CNTNAP5: variants seen among roughly 807,000 people sequenced by gnomAD.
The protein encoded by CNTNAP5 is contactin-associated protein-like 5.
A neutral mutation model predicts 150.2 loss-of-function variants in CNTNAP5; 72 were observed. That is an observed-to-expected ratio of 0.48 (90% CI 0.40 to 0.58). The LOEUF (loss-of-function observed/expected upper bound fraction) is 0.58, where lower values mean the gene tolerates loss of function less well. CNTNAP5 is among the 20% of genes least tolerant of loss of function. The pLI, the probability that CNTNAP5 is intolerant of heterozygous loss-of-function variation, is 0.00. For synonymous variants in CNTNAP5, 672 were observed against 619.8 expected (o/e 1.08, Z -1.25); for missense variants, 1,636 against 1,626.2 (o/e 1.01, Z -0.10).
intron 11 of CNTNAP5, among the ~76,000 whole-genome samples, chr2:124,608,998 A>G (rs1003294967): frequency 6.6e-6 from 1 of 152,152 alleles, no homozygotes; most frequent in Non-Finnish European, 1.5e-5. Flanking sequence ...ACTGTATGTA[A>G]GCAGTAATTT....
In CNTNAP5 at chr2:124,289,254, A is replaced by G. The variant is rs140465385; in HGVS notation, c.381+46861A>G. On this transcript the variant is annotated intron_variant, in intron 3 of 23. Transcript: ENST00000682447. ...CACCTATCATTTTTGGCAAAGAGCC[A>G]AAGTTAACCTTCACTGTATTGCTCT... 4.5e-4 allele frequency among the ~76,000 whole-genome samples: 69 copies of G among 152,366 alleles called. 1 individual carries two copies. In the East Asian group the frequency reaches 0.012, roughly 26 times the overall value.
chr2:124,792,653 G>T (rs1220988253), intron 18 of CNTNAP5, among the ~76,000 whole-genome samples: 2 of 152,110 alleles, frequency 1.3e-5, no homozygotes, highest in African/African-American at 4.8e-5. Context: ...ATCTCAAAAA[G>T]AAATTCCATG....
intron 1 of CNTNAP5, among the ~76,000 whole-genome samples, chr2:124,151,148 C>A (rs772188415): frequency 6.6e-6 from 1 of 152,086 alleles, no homozygotes; most frequent in Non-Finnish European, 1.5e-5. Flanking sequence ...AGGAGGTGCA[C>A]GTGTCCAATG....
At chr2:124,524,696 A>G (rs1358889455) in intron 9 of CNTNAP5, among the ~76,000 whole-genome samples, 1 of 152,214 alleles carries the variant, frequency 6.6e-6, no homozygotes, top group Non-Finnish European at 1.5e-5. Flanking sequence ...TTTAGCTACA[A>G]GAGCTGGTGT....
At chr2:124,769,821 T>TCAGCTTACTTAGGTA (rs1346638759) in intron 16 of CNTNAP5, among the ~76,000 whole-genome samples, 3 of 152,154 alleles carry the variant, frequency 2.0e-5, no homozygotes, top group Non-Finnish European at 2.9e-5. Flanking sequence ...CCACACTGGG[T>TCAGCTTACTTAGGTA]CAGCTTACTT....
At chr2:124,364,170 T>C (rs1289732054) in intron 3 of CNTNAP5, among the ~76,000 whole-genome samples, 1 of 152,218 alleles carries the variant, frequency 6.6e-6, no homozygotes, top group Non-Finnish European at 1.5e-5. Context: ...TTCTCCTTTC[T>C]TGTTGCTCTT....
intron 14 of CNTNAP5, among the ~76,000 whole-genome samples, chr2:124,761,004 A>G (rs1680945234): frequency 6.6e-6 from 1 of 152,142 alleles, no homozygotes; most frequent in South Asian, 2.1e-4. Context: ...GATCCCAGCG[A>G]CAGGCTTTCT....
intron 1 of CNTNAP5, among the ~76,000 whole-genome samples, chr2:124,149,403 CAAAAAAAAAA>C (rs71394025): frequency 2.4e-5 from 2 of 82,808 alleles, no homozygotes; most frequent in South Asian, 5.3e-4. Flanking sequence ...GCGTCAATTG[CAAAAAAAAAA>C]AAAAAAAAAA....
At chr2:124,734,134 G>C (rs1680331889) in intron 13 of CNTNAP5, among the ~76,000 whole-genome samples, 1 of 152,072 alleles carries the variant, frequency 6.6e-6, no homozygotes. Flanking sequence ...ATAAGCAATA[G>C]ATAAAATATC....
At chr2:124,450,412 C>T (rs1692937873) in intron 6 of CNTNAP5, among the ~76,000 whole-genome samples, 1 of 151,808 alleles carries the variant, frequency 6.6e-6, no homozygotes. Context: ...TCATCTTAGA[C>T]TACCTTAGGG....
intron 1 of CNTNAP5, among the ~76,000 whole-genome samples, chr2:124,217,071 G>T (rs1224619402): frequency 6.6e-6 from 1 of 152,044 alleles, no homozygotes; most frequent in African/African-American, 2.4e-5. Flanking sequence ...CCATGAAAAA[G>T]CTTTTAAAGA....
intron 3 of CNTNAP5, among the ~76,000 whole-genome samples, chr2:124,289,114 A>G (rs1004754461): frequency 6.6e-6 from 1 of 152,218 alleles, no homozygotes; most frequent in Non-Finnish European, 1.5e-5. Context: ...AGTCATCAAA[A>G]CAGCACTCAG....
At chr2:124,822,505 A>T (rs1682511852) in intron 19 of CNTNAP5, among the ~76,000 whole-genome samples, 1 of 152,204 alleles carries the variant, frequency 6.6e-6, no homozygotes, top group African/African-American at 2.4e-5. Flanking sequence ...AGAAAACATG[A>T]TGCAATTACC....
chr2:124,674,384 C>T (rs1199148234), intron 13 of CNTNAP5, among the ~76,000 whole-genome samples: 1 of 141,008 alleles, frequency 7.1e-6, no homozygotes, highest in Non-Finnish European at 1.6e-5. Flanking sequence ...TCCCTCCCTC[C>T]TTTGTTCTTT....
chr2:124,263,716 C>T (rs917134672), intron 3 of CNTNAP5, among the ~76,000 whole-genome samples: 1 of 152,056 alleles, frequency 6.6e-6, no homozygotes, highest in African/African-American at 2.4e-5. Context: ...GACATGAAGC[C>T]CTTGCCTATG....
intron 21 of CNTNAP5, among the ~76,000 whole-genome samples, chr2:124,884,368 T>C (rs1678036353): frequency 2.6e-5 from 4 of 152,112 alleles, no homozygotes; most frequent in Non-Finnish European, 5.9e-5. Context: ...TGGACATGCA[T>C]GTCCATGTGT....
intron 1 of CNTNAP5, among the ~76,000 whole-genome samples, chr2:124,178,052 G>A (rs1337693349): frequency 6.6e-6 from 1 of 151,840 alleles, no homozygotes; most frequent in Non-Finnish European, 1.5e-5. Context: ...TTACTATGTT[G>A]GCCAGGCTGG....
intron 22 of CNTNAP5, among the ~76,000 whole-genome samples, chr2:124,905,089 G>A (rs193218348): frequency 7.6e-5 from 11 of 144,282 alleles, no homozygotes; most frequent in East Asian, 2.0e-4. Flanking sequence ...TCAAAAAATA[G>A]GCAAAGGATG....
At chr2:124,529,819 C>G (rs1340875580) in intron 10 of CNTNAP5, among the ~76,000 whole-genome samples, 2 of 152,108 alleles carry the variant, frequency 1.3e-5, no homozygotes, top group Non-Finnish European at 2.9e-5. Context: ...GACCCCTTGC[C>G]AGTCCGTTGT....
Sources: allele counts gnomAD v4.1 joint callset (sites outside exome capture counted in the v4.1 genomes callset), GRCh38; gene constraint gnomAD v4.1.1; transcripts MANE v1.5; gene names NCBI Gene and HGNC (gene_info 2026-07-23, HGNC 2026-07-21).